SLC36A1: variants seen among roughly 807,000 people sequenced by gnomAD.
The protein encoded by SLC36A1 is proton-coupled amino acid transporter 1.
SLC36A1 carries 30 observed loss-of-function variants against 47.5 expected under a neutral mutation model. The ratio of observed to expected loss-of-function variants is 0.63; its 90% CI spans 0.47 to 0.86. SLC36A1 has a LOEUF of 0.86. Ranked by LOEUF, SLC36A1 falls within the 40% of genes least tolerant of loss-of-function variation. The pLI is 0.00. For missense variants in SLC36A1, 517 were observed against 606.0 expected, an observed-to-expected ratio of 0.85 and a Z score of 1.54; for synonymous variants, 255 against 249.7, an observed-to-expected ratio of 1.02 and a Z score of -0.20.
intron 8 of SLC36A1, among the ~76,000 whole-genome samples, chr5:151,474,000 A>G (rs1298693490): frequency 1.3e-5 from 2 of 151,686 alleles, no homozygotes; most frequent in Admixed American, 6.6e-5. Context: ...TCTCTACTAA[A>G]TATACAAAAA....
At chr5:151,526,010 C>T in the SLC36A1 span, 82 of 1,587,138 alleles carry the variant, frequency 5.2e-5, no homozygotes, top group East Asian at 2.3e-4. Context: ...GAATGAGTCC[C>T]GGTCCTTCCT....
chr5:151,395,960 C>A, the SLC36A1 span, among the ~76,000 whole-genome samples: 1 of 151,836 alleles, frequency 6.6e-6, no homozygotes, highest in African/African-American at 2.4e-5. Context: ...CAGGTGTGCA[C>A]CAACATGGCT....
chr5:151,393,231 C>CT, the SLC36A1 span, among the ~76,000 whole-genome samples: 15 of 151,852 alleles, frequency 9.9e-5, no homozygotes, highest in African/African-American at 3.4e-4. Flanking sequence ...CAACCCCTGC[C>CT]TTTTTTTGTT....
At chr5:151,510,273 C>A in the SLC36A1 span, 4 of 1,372,308 alleles carry the variant, frequency 2.9e-6, no homozygotes, top group Middle Eastern at 4.1e-4. Context: ...CGTTCAGTTA[C>A]CATTTATTTA....
At chr5:151,357,481 A>G in the SLC36A1 span, among the ~76,000 whole-genome samples, 3 of 152,260 alleles carry the variant, frequency 2.0e-5, no homozygotes, top group Non-Finnish European at 2.9e-5. Context: ...TTTTGGGCCA[A>G]GTATTAATAC....
At position 151,476,741 on chromosome 5, in the gene SLC36A1, A is replaced by G; in HGVS notation, c.974A>G (p.Asn325Ser). Residue 325 changes from asparagine (N) to serine (S), a missense_variant, in exon 9 of 11, where the codon AAC becomes AGC. Asn to Ser is a conservative substitution (Grantham distance 46). Coordinates refer to ENST00000243389, the MANE Select transcript of SLC36A1 (RefSeq NM_078483.4). ...GANIQGSITL[N>S]LPNCWLYQSV... ...AATATCCAAGGCAGCATAACCCTCA[A>G]CCTGCCCAACTGCTGGTACGTGGAG... is the stretch of plus-strand genomic sequence containing the variant. The G allele has an allele frequency of 6.2e-7, 1 of 1,611,316 alleles. No individual in the cohort carries two copies. Among genetic ancestry groups the G allele is most frequent in the Non-Finnish European group, 8.5e-7 (1 of 1,178,442 alleles).
At chr5:151,414,761 C>G in the SLC36A1 span, 3 of 152,280 alleles carry the variant, frequency 2.0e-5, no homozygotes, top group East Asian at 5.8e-4. Flanking sequence ...AGGAAGAACA[C>G]AATGTCCCTG....
chr5:151,529,925 C>G, the SLC36A1 span, among the ~76,000 whole-genome samples: 8 of 152,248 alleles, frequency 5.3e-5, no homozygotes, highest in African/African-American at 1.9e-4. Flanking sequence ...TCCTGCCTTT[C>G]CCGGCTAACC....
chr5:151,394,403 C>T, the SLC36A1 span, among the ~76,000 whole-genome samples: 16 of 152,254 alleles, frequency 1.1e-4, no homozygotes, highest in Non-Finnish European at 1.5e-4. Flanking sequence ...TCCCTCAACT[C>T]GTCAAAGTCA....
At chr5:151,540,897 C>CGA in the SLC36A1 span, 5 of 762,960 alleles carry the variant, frequency 6.6e-6, no homozygotes, top group Admixed American at 2.9e-5. Flanking sequence ...TAACTAGGAA[C>CGA]CCACGATTCT....
At chr5:151,551,556 C>T in the SLC36A1 span, 76 of 1,614,084 alleles carry the variant, frequency 4.7e-5, no homozygotes, top group Admixed American at 2.7e-4. Flanking sequence ...CTGGCAATGA[C>T]GATGCTGCCT....
At chr5:151,522,227 GAA>G in the SLC36A1 span, 1 of 498,424 alleles carries the variant, frequency 2.0e-6, no homozygotes, top group Non-Finnish European at 3.4e-6. Flanking sequence ...GTTGCATTTA[GAA>G]AAAAAAAACC....
At chr5:151,381,284 C>T in the SLC36A1 span, 1 of 240,750 alleles carries the variant, frequency 4.2e-6, no homozygotes, top group Non-Finnish European at 8.4e-6. Flanking sequence ...AGCCCCTGAG[C>T]CCATGCACCC....
the SLC36A1 span, chr5:151,534,567 C>T: frequency 5.0e-6 from 8 of 1,614,144 alleles, no homozygotes; most frequent in East Asian, 1.6e-4. Context: ...TCGGCCACCT[C>T]CATCCGTCGC....
chr5:151,358,362 C>G, the SLC36A1 span, among the ~76,000 whole-genome samples: 1 of 151,910 alleles, frequency 6.6e-6, no homozygotes, highest in East Asian at 1.9e-4. Context: ...GCCTTGAACT[C>G]CTGGGCTCAA....
chr5:151,421,215 T>TCCTTCCTC, the SLC36A1 span, among the ~76,000 whole-genome samples: 10 of 142,678 alleles, frequency 7.0e-5, no homozygotes, highest in East Asian at 2.2e-4. Flanking sequence ...CTTCCTTCCT[T>TCCTTCCTC]CCTCCCTTTC....
At chr5:151,417,940 G>A in the SLC36A1 span, among the ~76,000 whole-genome samples, 1,121 of 152,354 alleles carry the variant, frequency 7.4e-3, 19 homozygotes, top group African/African-American at 0.026. Context: ...CCAGGCCTAG[G>A]GCCTTACTGC....
intron 1 of SLC36A1, among the ~76,000 whole-genome samples, chr5:151,454,843 G>T (rs1754256064): frequency 6.6e-6 from 1 of 151,590 alleles, no homozygotes; most frequent in Non-Finnish European, 1.5e-5. Flanking sequence ...CTCCCGAGTA[G>T]CTGGGACTAC....
At chr5:151,524,079 T>G in the SLC36A1 span, among the ~76,000 whole-genome samples, 3 of 152,162 alleles carry the variant, frequency 2.0e-5, no homozygotes, top group African/African-American at 7.2e-5. Context: ...CCAGCTTGGA[T>G]GACTTCTCAC....
Sources: allele counts gnomAD v4.1 joint callset (sites outside exome capture counted in the v4.1 genomes callset), GRCh38; gene constraint gnomAD v4.1.1; transcripts MANE v1.5; gene names NCBI Gene and HGNC (gene_info 2026-07-23, HGNC 2026-07-21).